UGT3A2: variants seen among roughly 807,000 people sequenced by gnomAD.
UGT3A2 encodes the protein UDP glycosyltransferase family 3 member A2, also known as UDP-glycosyltransferase 3A2.
UGT3A2 carries 32 observed loss-of-function variants against 39.8 expected under a neutral mutation model. The ratio of observed to expected loss-of-function variants is 0.80; its 90% CI spans 0.61 to 1.08. The LOEUF (loss-of-function observed/expected upper bound fraction) is 1.08. UGT3A2 is among the 50% of genes least tolerant of loss of function. The pLI, the probability that UGT3A2 is intolerant of heterozygous loss-of-function variation, is 0.00. For missense variants in UGT3A2, 611 were observed against 637.1 expected (o/e 0.96, Z 0.44); for synonymous variants, 241 against 230.7 (o/e 1.04, Z -0.40).
chr5:36,057,954 A>G (rs911809063), intron 2 of UGT3A2, among the ~76,000 whole-genome samples: 8 of 152,204 alleles, frequency 5.3e-5, no homozygotes, highest in African/African-American at 1.9e-4. Flanking sequence ...TGTCTTAAAA[A>G]TGAATATACT....
chr5:36,064,187 T>A (rs1342022026), intron 2 of UGT3A2, 62 bp downstream of exon 2: 11 of 1,447,200 alleles, frequency 7.6e-6, no homozygotes, highest in Non-Finnish European at 1.1e-5. Context: ...AGCCTTTCTA[T>A]GCAAACAGCA....
chr5:36,049,289 T>A lies in UGT3A2; in HGVS notation c.443A>T (p.Asp148Val). The stretch of plus-strand genomic sequence containing the variant: ...CTCAGCAATCAGGAAAGGACAGTAG[T>A]CAAAAGTTTCAACTATCACCATGTC... Reference protein sequence around the residue: ...NFDMVIVETFDYCPFLIAEKL... With the variant: ...NFDMVIVETFVYCPFLIAEKL... Residue 148 changes from aspartate (D) to valine (V), a missense_variant, in exon 4 of 7, where the codon GAC becomes GTC. Physicochemically the swap from Asp to Val is radical, Grantham distance 152 (BLOSUM62 -3). Transcript: ENST00000282507. 1 of 1,614,160 alleles carries A rather than the reference T, an allele frequency of 6.2e-7. No individual in the cohort carries two copies. Among genetic ancestry groups the A allele is most frequent in the Non-Finnish European group, 8.5e-7 (1 of 1,180,026 alleles).
chr5:36,044,125 A>G (rs1172506411), intron 4 of UGT3A2, among the ~76,000 whole-genome samples: 1 of 152,158 alleles, frequency 6.6e-6, no homozygotes, highest in Non-Finnish European at 1.5e-5. Flanking sequence ...CAACACATTA[A>G]AAAGATCATT....
At position 36,039,478 on chromosome 5, in the gene UGT3A2, C is replaced by G; in HGVS notation, c.1074G>C (p.Leu358=). The change falls in exon 5 of 7, where the codon CTG becomes CTC. Residue 358 remains leucine, a splice_region_variant and synonymous_variant. Transcript: ENST00000282507. The part of the protein sequence containing the change: ...IVDWLPQSDL[L]AHPSIRLFVT... The stretch of plus-strand genomic sequence containing the variant: ...GGAGCAGTCCTGGGCAGCCCTTACC[C>G]AGGAGGTCACTCTGAGGAAGCCAGT... The G allele has an allele frequency of 6.2e-7, 1 of 1,613,906 alleles. No homozygotes were observed. The highest frequency in any genetic ancestry group is 1.1e-5 in the South Asian group (1 of 91,056).
At chr5:36,038,867 G>C (rs1001626670) in intron 5 of UGT3A2, among the ~76,000 whole-genome samples, 3 of 152,296 alleles carry the variant, frequency 2.0e-5, no homozygotes, top group Middle Eastern at 3.4e-3. Context: ...AAACCTGTTG[G>C]GGGTGAGGGA....
chr5:36,044,434 C>T (rs1228556435), intron 4 of UGT3A2, among the ~76,000 whole-genome samples: 1 of 152,064 alleles, frequency 6.6e-6, no homozygotes, highest in Non-Finnish European at 1.5e-5. Flanking sequence ...CAAGGATGCC[C>T]ACTTTTACCA....
At chr5:36,053,640 G>T (rs368118612) in intron 2 of UGT3A2, among the ~76,000 whole-genome samples, 5 of 152,100 alleles carry the variant, frequency 3.3e-5, no homozygotes, top group Non-Finnish European at 7.3e-5. Flanking sequence ...GTTTCCTATT[G>T]CTGCTTTAAC....
chr5:36,038,757 C>A (rs1741911857), intron 5 of UGT3A2, among the ~76,000 whole-genome samples: 1 of 152,216 alleles, frequency 6.6e-6, no homozygotes, highest in Admixed American at 6.5e-5. Flanking sequence ...GAAGTAGGAC[C>A]AGGAATCTAC....
rs371024924 is a variant in UGT3A2, at chr5:36,049,044, T to G, written c.688A>C (p.Thr230Pro). 24 of 1,614,208 alleles carry G rather than the reference T, an allele frequency of 1.5e-5. 1 individual carries two copies. Among genetic ancestry groups the G allele is most frequent in the East Asian group, 2.2e-5 (1 of 44,886 alleles). ...GACAAAACTGGCCTAGAGCCTTCTG[T>G]GAAATGTTCCTTGATGGTGTTGTCA... Reference protein sequence around the residue: ...TFDNTIKEHFTEGSRPVLSHL... With the variant: ...TFDNTIKEHFPEGSRPVLSHL... The change falls in exon 4 of 7, where the codon ACA becomes CCA. Residue 230 changes from threonine (T) to proline (P), a missense_variant. Thr to Pro is a conservative substitution (Grantham distance 38). Coordinates refer to ENST00000282507, the MANE Select transcript of UGT3A2 (RefSeq NM_174914.4).
At position 36,066,681 on chromosome 5, in the gene UGT3A2, C is replaced by T; in HGVS notation, c.94+15G>A. 3 of 1,613,996 alleles carry T rather than the reference C, an allele frequency of 1.9e-6. No individual in the cohort carries two copies. Among genetic ancestry groups the T allele is most frequent in the Middle Eastern group, 1.7e-4 (1 of 6,058 alleles). ...GGGACGCGCCTGTCTGGGAATTCTC[C>T]GGCCAAGCACTCACCTACTGTAGAT... On this transcript the variant is annotated intron_variant, in intron 1 of 6. Coordinates refer to ENST00000282507, the MANE Select transcript of UGT3A2 (RefSeq NM_174914.4).
At chr5:36,062,935 G>A (rs1742754916) in intron 2 of UGT3A2, among the ~76,000 whole-genome samples, 1 of 152,052 alleles carries the variant, frequency 6.6e-6, no homozygotes, top group South Asian at 2.1e-4. Flanking sequence ...CAGCTACTCA[G>A]GAGGCTGAGG....
At chr5:36,047,511 C>T (rs146195076) in intron 4 of UGT3A2, among the ~76,000 whole-genome samples, 64 of 152,332 alleles carry the variant, frequency 4.2e-4, no homozygotes, top group Admixed American at 2.9e-3. Flanking sequence ...CATTCTATTA[C>T]GTGGTTCAGA....
At chr5:36,059,697 A>C (rs567116626) in intron 2 of UGT3A2, among the ~76,000 whole-genome samples, 12 of 152,288 alleles carry the variant, frequency 7.9e-5, no homozygotes, top group African/African-American at 2.9e-4. Context: ...GTTTCTTGTT[A>C]TCAGTGGAAT....
chr5:36,050,006 G>GA (rs1742290051), intron 3 of UGT3A2, among the ~76,000 whole-genome samples: 1 of 151,720 alleles, frequency 6.6e-6, no homozygotes. Context: ...TTAAGCAATG[G>GA]AAAAAATAAA....
rs1580992155 is a variant in UGT3A2 at position 36,035,652 on chromosome 5, G to A, written c.*46C>T. ...AACTAGTGGGAAGCTCCCTAGAAAT[G>A]GTGACATCGCCCACCAAACAGACCC... On this transcript the variant is annotated 3_prime_UTR_variant, in exon 7 of 7. Transcript: ENST00000282507. The A allele has an allele frequency of 6.3e-7, 1 of 1,592,362 alleles. No individual in the cohort carries two copies. The highest frequency in any genetic ancestry group is 1.1e-5 in the South Asian group (1 of 88,536).
chr5:36,041,709 G>A (rs762173540), intron 4 of UGT3A2, among the ~76,000 whole-genome samples: 1 of 152,166 alleles, frequency 6.6e-6, no homozygotes, highest in Non-Finnish European at 1.5e-5. Flanking sequence ...GCAGACACAG[G>A]TGCAGTGACC....
At chr5:36,060,860 T>C (rs894494140) in intron 2 of UGT3A2, among the ~76,000 whole-genome samples, 7 of 152,080 alleles carry the variant, frequency 4.6e-5, no homozygotes, top group Non-Finnish European at 8.8e-5. Context: ...CTCTAAACGG[T>C]ACATTGGAAA....
chr5:36,050,301 G>T (rs550869473), intron 3 of UGT3A2, among the ~76,000 whole-genome samples: 1 of 152,262 alleles, frequency 6.6e-6, no homozygotes, highest in African/African-American at 2.4e-5. Context: ...TGCCTGCAGA[G>T]AATATGATCC....
intron 2 of UGT3A2, 92 bp from the exon 3 acceptor site, chr5:36,052,076 T>C: frequency 1.3e-6 from 1 of 770,818 alleles, no homozygotes; most frequent in Middle Eastern, 3.5e-4. Context: ...ATTTCAAAGA[T>C]TATGTATGTA....
Sources: gnomAD v4.1 joint callset for allele counts (sites outside exome capture counted in the v4.1 genomes callset) on GRCh38, gnomAD v4.1.1 for gene constraint, MANE v1.5 for transcripts, NCBI Gene and HGNC (gene_info 2026-07-23, HGNC 2026-07-21) for gene names.